The following BIN2 variants were observed in gnomAD, a reference collection of about 807,000 sequenced individuals.
The protein encoded by BIN2 is bridging integrator 2.
BIN2 carries 43 observed loss-of-function variants against 67.9 expected under a neutral mutation model. The ratio of observed to expected loss-of-function variants is 0.63; its 90% CI spans 0.50 to 0.82. BIN2 has a LOEUF of 0.82. Ranked by LOEUF, BIN2 falls within the 40% of genes least tolerant of loss-of-function variation. The pLI is 0.00. For missense variants in BIN2, 581 were observed against 671.6 expected (o/e 0.87, Z 1.49); for synonymous variants, 244 against 246.8 (o/e 0.99, Z 0.11).
intron 1 of BIN2, among the ~76,000 whole-genome samples, chr12:51,318,539 C>T (rs986911084): frequency 1.4e-4 from 22 of 152,298 alleles, no homozygotes; most frequent in African/African-American, 4.8e-4. Flanking sequence ...GAATTATAGG[C>T]GTGAGCCACT....
intron 1 of BIN2, among the ~76,000 whole-genome samples, chr12:51,314,614 G>T (rs1946076427): frequency 6.6e-6 from 1 of 151,834 alleles, no homozygotes; most frequent in Admixed American, 6.6e-5. Context: ...AGGCTGACCA[G>T]CATGGATAAA....
At chr12:51,318,004 GA>G (rs1346340877) in intron 1 of BIN2, among the ~76,000 whole-genome samples, 1 of 151,950 alleles carries the variant, frequency 6.6e-6, no homozygotes, top group Non-Finnish European at 1.5e-5. Flanking sequence ...AAAAGAAAAA[GA>G]AAAAGAAAAA....
intron 5 of BIN2, among the ~76,000 whole-genome samples, chr12:51,301,307 C>T (rs1220927402): frequency 6.6e-6 from 1 of 151,982 alleles, no homozygotes; most frequent in African/African-American, 2.4e-5. Context: ...GAAAGCAGAA[C>T]AGTTTAGAAT....
intron 1 of BIN2, among the ~76,000 whole-genome samples, chr12:51,315,201 G>A (rs1229275003): frequency 1.3e-5 from 2 of 150,790 alleles, no homozygotes; most frequent in African/African-American, 2.4e-5. Context: ...ACGGAGTCTC[G>A]CTCTGTCGCC....
chr12:51,316,627 A>G (rs1290212309), intron 1 of BIN2, among the ~76,000 whole-genome samples: 2 of 152,162 alleles, frequency 1.3e-5, no homozygotes, highest in Non-Finnish European at 2.9e-5. Flanking sequence ...CTTTCCTAAC[A>G]CTTTTTTAGT....
intron 5 of BIN2, 150 bp from the exon 6 acceptor site, chr12:51,299,864 G>C (rs998986158): frequency 1.5e-5 from 10 of 674,644 alleles, no homozygotes; most frequent in Non-Finnish European, 2.0e-5. Context: ...TTTGAGACAG[G>C]GTCTTGCTCT....
intron 10 of BIN2, among the ~76,000 whole-genome samples, chr12:51,289,830 C>G (rs879878512): frequency 1.3e-5 from 2 of 151,760 alleles, no homozygotes; most frequent in Non-Finnish European, 2.9e-5. Flanking sequence ...CTCAGCCTCC[C>G]AAGTAAGGAG....
At chr12:51,282,608 A>G (rs1945141785) in intron 12 of BIN2, among the ~76,000 whole-genome samples, 2 of 152,094 alleles carry the variant, frequency 1.3e-5, no homozygotes, top group Admixed American at 1.3e-4. Flanking sequence ...TATATATATT[A>G]TTTTTGAGAC....
At chr12:51,298,887 G>C (rs749825713) in intron 7 of BIN2, among the ~76,000 whole-genome samples, 21 of 151,940 alleles carry the variant, frequency 1.4e-4, no homozygotes, top group Non-Finnish European at 2.2e-4. Context: ...TGGGCAACAT[G>C]GTGAAACCCC....
intron 2 of BIN2, among the ~76,000 whole-genome samples, chr12:51,304,823 T>C (rs1945825657): frequency 6.7e-6 from 1 of 149,994 alleles, no homozygotes; most frequent in Non-Finnish European, 1.5e-5. Context: ...AAGGCCATCC[T>C]GGCTAACACG....
intron 12 of BIN2, among the ~76,000 whole-genome samples, chr12:51,283,811 A>G (rs1286350406): frequency 1.3e-5 from 2 of 152,064 alleles, no homozygotes; most frequent in Non-Finnish European, 2.9e-5. Context: ...CCTGACCAAC[A>G]TGGAGAAACC....
At chr12:51,322,525 G>T in intron 1 of BIN2, 1 of 152,530 alleles carries the variant, frequency 6.6e-6, no homozygotes, top group South Asian at 2.0e-4. Context: ...CCAAAGTGCT[G>T]GGATTACAGG....
intron 2 of BIN2, among the ~76,000 whole-genome samples, chr12:51,307,948 T>A (rs1209027332): frequency 2.0e-5 from 3 of 152,170 alleles, no homozygotes; most frequent in Non-Finnish European, 4.4e-5. Flanking sequence ...GCCTTTTAGT[T>A]ACAAAGTTCT....
In BIN2 at chr12:51,302,696, G is replaced by A. The variant is rs762521366; in HGVS notation, c.302C>T (p.Ala101Val). Residue 101 changes from alanine to valine, a missense_variant, in exon 4 of 13, where the codon GCC (alanine) becomes GTC (valine). By Grantham distance (64) the Ala-to-Val change is moderately conservative. Transcript: ENST00000615107. ...TCAAGCCACTCTTACCCATACGATG[G>A]CCTTCAGCTCCTCATGACCGTCCCA... ...SEWDGHEELK[A>V]IVWNNDLLWE... The A allele has an allele frequency of 6.2e-7, 1 of 1,613,612 alleles. No individual in the cohort carries two copies.
At chr12:51,298,242 C>T (rs1393913953) in intron 7 of BIN2, among the ~76,000 whole-genome samples, 4 of 152,170 alleles carry the variant, frequency 2.6e-5, no homozygotes, top group African/African-American at 9.6e-5. Flanking sequence ...CTTAGTGGCA[C>T]GCGCCTGTAG....
At chr12:51,287,959 T>TTTTACATCTTGC in intron 11 of BIN2, 149 bp downstream of exon 11, 1 of 585,464 alleles carries the variant, frequency 1.7e-6, no homozygotes, top group Non-Finnish European at 3.0e-6. Context: ...CCAGGACAAG[T>TTTTACATCTTGC]TTTACATCTT....
At chr12:51,299,075 GAA>G (rs369516898) in intron 7 of BIN2, 126 bp downstream of exon 7, 3,921 of 457,330 alleles carry the variant, frequency 8.6e-3, no homozygotes, top group East Asian at 0.011. Context: ...ACCCTGTCTC[GAA>G]AAAAAAAAAA....
intron 2 of BIN2, among the ~76,000 whole-genome samples, chr12:51,305,251 G>A (rs1001492376): frequency 4.6e-5 from 7 of 151,870 alleles, no homozygotes; most frequent in African/African-American, 1.7e-4. Context: ...CAGGAGAATC[G>A]CTTGAACCCA....
intron 9 of BIN2, among the ~76,000 whole-genome samples, chr12:51,294,447 A>T (rs553638943): frequency 3.9e-5 from 6 of 151,930 alleles, no homozygotes; most frequent in African/African-American, 1.5e-4. Context: ...TGTGCCTGTA[A>T]TCCCAGCTAC....
Sources: gnomAD v4.1 joint callset for allele counts (sites outside exome capture counted in the v4.1 genomes callset) on GRCh38, gnomAD v4.1.1 for gene constraint, MANE v1.5 for transcripts, NCBI Gene and HGNC (gene_info 2026-07-23, HGNC 2026-07-21) for gene names.